The following ACSL5 variants were observed in gnomAD, a reference collection of about 807,000 sequenced individuals.
The protein encoded by ACSL5 is long-chain-fatty-acid--CoA ligase 5.
ACSL5 carries 50 observed loss-of-function variants against 84.9 expected under a neutral mutation model. The observed-to-expected ratio is 0.59, with a 90% CI of 0.47 to 0.75. The LOEUF (loss-of-function observed/expected upper bound fraction) is 0.75, where lower values mean the gene tolerates loss of function less well. Ranked by LOEUF, ACSL5 falls within the 30% of genes least tolerant of loss-of-function variation. The probability of loss-of-function intolerance (pLI) is 0.00; values close to 1 mark genes in which losing one functional copy is unlikely to be tolerated. For synonymous variants in ACSL5, 280 were observed against 300.7 expected (o/e 0.93, Z 0.71); for missense variants, 775 against 830.4 (o/e 0.93, Z 0.82).
rs556638666 is a variant in ACSL5, at chr10:112,398,826, T to C, written c.157-75T>C. Reference sequence around the variant, plus strand: ...TCAAAATCGGCATTTATGGTCTCTTTAATTCAATTCATAAAGGTTTTGGAA... The same window carrying C: ...TCAAAATCGGCATTTATGGTCTCTTCAATTCAATTCATAAAGGTTTTGGAA... On this transcript the variant is annotated intron_variant, in intron 2 of 20. Coordinates refer to ENST00000354655, the MANE Select transcript of ACSL5 (RefSeq NM_203379.2). 3.1e-4 allele frequency: 393 copies of C among 1,284,008 alleles called. 11 individuals are homozygous for C. In the South Asian group the frequency reaches 4.5e-3, roughly 15 times the overall value. 79.5% of individuals were successfully genotyped at this position (1,284,008 alleles called of 1,614,324 possible).
At position 112,386,339 on chromosome 10, in the gene ACSL5, G is replaced by C. The variant is rs547627291; in HGVS notation, c.-29-8579G>C. Among the ~76,000 whole-genome samples the C allele has an allele frequency of 2.0e-5, 3 of 151,468 alleles. No homozygotes were observed. In the East Asian group the frequency reaches 5.8e-4, roughly 29 times the overall value. On this transcript the variant is annotated intron_variant, in intron 1 of 20. Coordinates refer to ENST00000354655, the MANE Select transcript of ACSL5 (RefSeq NM_203379.2). The stretch of plus-strand genomic sequence containing the variant: ...CTCCCTAGTAGCTGGGATTATAAGC[G>C]CACGCCACCATGCCAAGCTAATTTT...
intron 19 of ACSL5, 53 bp downstream of exon 19, chr10:112,426,412 A>G (rs1019709269): frequency 1.4e-6 from 2 of 1,465,922 alleles, no homozygotes; most frequent in Non-Finnish European, 1.9e-6. Context: ...ATCGTGGAGG[A>G]GAGGATGCCT....
At chr10:112,393,603 C>G (rs1843685913) in intron 1 of ACSL5, among the ~76,000 whole-genome samples, 1 of 152,186 alleles carries the variant, frequency 6.6e-6, no homozygotes, top group Admixed American at 6.5e-5. Context: ...TTTAATTGAG[C>G]TTGCTTTGTT....
At chr10:112,386,891 A>G (rs2133575374) in intron 1 of ACSL5, among the ~76,000 whole-genome samples, 1 of 152,330 alleles carries the variant, frequency 6.6e-6, no homozygotes, top group Admixed American at 6.5e-5. Context: ...CTGCATACCA[A>G]TTTTAGTAAC....
At chr10:112,388,022 T>C (rs1849488098) in intron 1 of ACSL5, among the ~76,000 whole-genome samples, 1 of 149,334 alleles carries the variant, frequency 6.7e-6, no homozygotes, top group African/African-American at 2.5e-5. Flanking sequence ...CACTGCAACT[T>C]CCGCCTCCCA....
intron 17 of ACSL5, 50 bp downstream of exon 17, chr10:112,422,491 G>T (rs771557778): frequency 5.9e-5 from 91 of 1,532,698 alleles, no homozygotes; most frequent in Non-Finnish European, 4.9e-5. Flanking sequence ...GGACTGAGAA[G>T]AACAATCTGC....
chr10:112,412,314 T>G (rs1258121996), intron 11 of ACSL5: 3 of 232,672 alleles, frequency 1.3e-5, no homozygotes, highest in Non-Finnish European at 2.5e-5. Context: ...TAAATTTTAT[T>G]TTGGTTAGAA....
chr10:112,417,868 G>T lies in ACSL5; in HGVS notation c.1241G>T (p.Arg414Leu). The T allele has an allele frequency of 6.2e-7, 1 of 1,614,014 alleles. No homozygotes were observed. Among genetic ancestry groups the T allele is most frequent in the South Asian group, 1.1e-5 (1 of 91,064 alleles). ...CAGGACAGCCTGGGCGGAAGGGTTC[G>T]TGTAATTGTCACTGGAGCTGCCCCC... The part of the protein sequence containing the change: ...KIQDSLGGRV[R>L]VIVTGAAPMS... The change falls in exon 14 of 21, where the codon CGT (arginine) becomes CTT (leucine). Residue 414 changes from arginine (R) to leucine (L), a missense_variant. Arg to Leu is a moderately radical substitution (Grantham distance 102). Coordinates refer to ENST00000354655, the MANE Select transcript of ACSL5 (RefSeq NM_203379.2).
intron 17 of ACSL5, among the ~76,000 whole-genome samples, chr10:112,423,838 G>C (rs1844572486): frequency 6.6e-6 from 1 of 152,030 alleles, no homozygotes; most frequent in Non-Finnish European, 1.5e-5. Context: ...AGAAGTTGTG[G>C]TTTGAAGCCA....
At position 112,421,643 on chromosome 10, in the gene ACSL5, A is replaced by T; in HGVS notation, c.1365A>T (p.Thr455=). Residue 455 remains threonine, a synonymous_variant, in exon 15 of 21, where the codon ACA becomes ACT. Coordinates refer to ENST00000354655, the MANE Select transcript of ACSL5 (RefSeq NM_203379.2). ...QTECTGGCTF[T]LPGDWTSGHV... is the part of the protein sequence containing the mutation. ...AATGCACAGGTGGCTGTACATTTACATTACCTGGGGACTGGACATCAGGTA... is the reference window on the plus strand; with the variant it reads ...AATGCACAGGTGGCTGTACATTTACTTTACCTGGGGACTGGACATCAGGTA... 1 of 1,614,136 alleles carries T rather than the reference A, an allele frequency of 6.2e-7. No individual in the cohort carries two copies. Among genetic ancestry groups the T allele is most frequent in the Non-Finnish European group, 8.5e-7 (1 of 1,179,958 alleles).
rs754593337 is a variant in ACSL5, at chr10:112,413,262, A to T, written c.1038A>T (p.Thr346=). Residue 346 remains threonine (T), a synonymous_variant, in exon 12 of 21, where the codon ACA becomes ACT. Transcript: ENST00000354655. ...LADDMKTLKP[T]LFPAVPRLLN... ...ACGACATGAAGACTTTGAAGCCCACATTGTTTCCCGCGGTGCCTCGACTCC... is the reference window on the plus strand; with the variant it reads ...ACGACATGAAGACTTTGAAGCCCACTTTGTTTCCCGCGGTGCCTCGACTCC... 2.5e-6 allele frequency: 4 copies of T among 1,614,190 alleles called. No homozygotes were observed. The South Asian group carries it at 3.3e-5, about 13-fold the overall frequency.
intron 1 of ACSL5, among the ~76,000 whole-genome samples, chr10:112,381,149 A>G (rs1212129903): frequency 2.6e-5 from 4 of 152,154 alleles, no homozygotes; most frequent in Non-Finnish European, 4.4e-5. Context: ...TTGAGGTTCT[A>G]GTGTTCCATA....
chr10:112,421,392 CT>C (rs1844461240), intron 14 of ACSL5, among the ~76,000 whole-genome samples, 200 bp from the exon 15 acceptor site: 1 of 152,114 alleles, frequency 6.6e-6, no homozygotes, highest in African/African-American at 2.4e-5. Flanking sequence ...AACTCCTGAT[CT>C]CAGGTGATCC....
At chr10:112,407,463 C>T (rs1386823939) in intron 5 of ACSL5, among the ~76,000 whole-genome samples, 1 of 152,090 alleles carries the variant, frequency 6.6e-6, no homozygotes, top group Non-Finnish European at 1.5e-5. Context: ...ACCTCGTGAT[C>T]TTCCCATCTC....
At chr10:112,390,116 A>G (rs1011804869) in intron 1 of ACSL5, among the ~76,000 whole-genome samples, 111 of 152,296 alleles carry the variant, frequency 7.3e-4, no homozygotes, top group African/African-American at 2.6e-3. Flanking sequence ...GATTATCAAG[A>G]TAGTAAAAAG....
At chr10:112,413,075 G>A in intron 11 of ACSL5, 98 bp from the exon 12 acceptor site, 1 of 1,350,680 alleles carries the variant, frequency 7.4e-7, no homozygotes, top group Non-Finnish European at 1.0e-6. Flanking sequence ...CACTGAAGGG[G>A]TTGTTTGCCT....
Position 112,409,442 on chromosome 10 carries a change from C to T in ACSL5, c.533-65C>T, listed in dbSNP as rs1844125664. The T allele has an allele frequency of 2.0e-6, 3 of 1,501,878 alleles. No homozygotes were observed. In the Admixed American group the frequency reaches 5.7e-5, roughly 28 times the overall value. 93.0% of individuals were successfully genotyped at this position (1,501,878 alleles called of 1,614,324 possible). On this transcript the variant is annotated intron_variant, in intron 6 of 20. Coordinates refer to ENST00000354655, the MANE Select transcript of ACSL5 (RefSeq NM_203379.2). ...TGAAAACTTTTAAAACCTCTTCCTT[C>T]TTGCAAGGCAATCAGGTACTTAGCA...
intron 13 of ACSL5, 54 bp downstream of exon 13, chr10:112,417,076 A>G (rs1844331647): frequency 1.9e-6 from 3 of 1,589,816 alleles, no homozygotes; most frequent in Non-Finnish European, 2.6e-6. Context: ...CTGCCTTCTG[A>G]CTCCTTAGAC....
intron 1 of ACSL5, chr10:112,394,638 T>C (rs1345985212): frequency 1.4e-6 from 1 of 738,400 alleles, no homozygotes; most frequent in African/African-American, 1.9e-5. Flanking sequence ...TCAAAATTGT[T>C]TGGGAAATGA....
Sources: allele counts gnomAD v4.1 joint callset (sites outside exome capture counted in the v4.1 genomes callset), GRCh38; gene constraint gnomAD v4.1.1; transcripts MANE v1.5; gene names NCBI Gene and HGNC (gene_info 2026-07-23, HGNC 2026-07-21).